The following STX1B variants were observed in gnomAD, a reference collection of about 807,000 sequenced individuals.
STX1B encodes syntaxin-1B.
In STX1B, 7 loss-of-function variants were observed where a neutral mutation model predicts 39.4. That is an observed-to-expected ratio of 0.18 (90% confidence interval 0.10 to 0.33). STX1B has a LOEUF of 0.33. Ranked by LOEUF, STX1B falls within the 10% of genes least tolerant of loss-of-function variation. The probability of loss-of-function intolerance (pLI) is 1.00; values close to 1 mark genes in which losing one functional copy is unlikely to be tolerated. For missense variants in STX1B, 198 were observed against 383.2 expected (o/e 0.52, Z 4.04); for synonymous variants, 136 against 144.1 (o/e 0.94, Z 0.40).
Position 31,010,461 on chromosome 16 carries a change from C to T in STX1B, c.-65G>A. 3 of 1,291,472 alleles carry T rather than the reference C, an allele frequency of 2.3e-6. No homozygotes were observed. The highest frequency in any genetic ancestry group is 2.0e-6 in the Non-Finnish European group (2 of 989,946). 80.0% of individuals were successfully genotyped at this position (1,291,472 alleles called of 1,614,324 possible). Reference sequence around the variant, plus strand: ...TCTGCTGCTGCTCCGGGTCTCCCGCCTCTGTGCCGGAGGCCGGGGTCTGGG... The same window carrying T: ...TCTGCTGCTGCTCCGGGTCTCCCGCTTCTGTGCCGGAGGCCGGGGTCTGGG... On this transcript the variant is annotated 5_prime_UTR_variant, in exon 1 of 10. Coordinates refer to ENST00000215095, the MANE Select transcript of STX1B (RefSeq NM_052874.5).
chr16:31,004,616 C>A (rs2056646923), intron 1 of STX1B, among the ~76,000 whole-genome samples: 3 of 151,390 alleles, frequency 2.0e-5, no homozygotes, highest in Admixed American at 2.0e-4. Context: ...CAAGAGACTG[C>A]AGTGAGCTGT....
intron 1 of STX1B, among the ~76,000 whole-genome samples, chr16:31,009,595 C>T (rs1166432638): frequency 6.6e-6 from 1 of 151,958 alleles, no homozygotes; most frequent in African/African-American, 2.4e-5. Context: ...TGCAGTCCTT[C>T]CCCTGTCCCC....
chr16:31,002,001 C>T (rs1287710347), intron 1 of STX1B, among the ~76,000 whole-genome samples: 3 of 152,128 alleles, frequency 2.0e-5, no homozygotes, highest in Non-Finnish European at 4.4e-5. Flanking sequence ...TTCCTGCTCT[C>T]CTGCCCAGAT....
chr16:31,000,325 GTTTTTTGT>G (rs1347322342), intron 4 of STX1B, among the ~76,000 whole-genome samples: 9 of 37,086 alleles, frequency 2.4e-4, no homozygotes, highest in East Asian at 9.4e-4. Context: ...TTGTTTGTTT[GTTTTTTGT>G]TTTTTTTTTT....
chr16:31,008,535 GGGGAACT>G (rs1314017184), intron 1 of STX1B, among the ~76,000 whole-genome samples: 2 of 152,136 alleles, frequency 1.3e-5, no homozygotes, highest in Non-Finnish European at 2.9e-5. Context: ...CCTGGTAGCA[GGGGAACT>G]GGGTTCAAGT....
intron 5 of STX1B, 152 bp from the exon 6 acceptor site, chr16:30,997,211 T>C: frequency 1.5e-6 from 1 of 665,064 alleles, no homozygotes; most frequent in Non-Finnish European, 2.7e-6. Context: ...TCTTCAGCTC[T>C]GGCCGCGATC....
chr16:30,996,922 CG>C (rs768138081), intron 6 of STX1B, 28 bp downstream of exon 6: 58 of 1,530,644 alleles, frequency 3.8e-5, no homozygotes, highest in Middle Eastern at 1.9e-4. Flanking sequence ...TCAAGGAGTT[CG>C]GGGTCCTGGG....
intron 1 of STX1B, among the ~76,000 whole-genome samples, chr16:31,006,243 C>A (rs1217486998): frequency 6.6e-6 from 1 of 152,144 alleles, no homozygotes; most frequent in East Asian, 1.9e-4. Flanking sequence ...TTTCCCCCAC[C>A]CTCTGCTTCA....
At position 31,010,533 on chromosome 16, in the gene STX1B, G is replaced by T; in HGVS notation, c.-137C>A. ...CGCTGCGGGGGGCCTGCGGGCGGGGGCGGGGCCGGGGGCGACTGGCCGAGG... is the reference window on the plus strand; with the variant it reads ...CGCTGCGGGGGGCCTGCGGGCGGGGTCGGGGCCGGGGGCGACTGGCCGAGG... On this transcript the variant is annotated 5_prime_UTR_variant, in exon 1 of 10. Coordinates refer to ENST00000215095, the MANE Select transcript of STX1B (RefSeq NM_052874.5). The T allele has an allele frequency of 3.1e-6, 1 of 325,788 alleles. No individual in the cohort carries two copies. The highest frequency in any genetic ancestry group is 4.7e-6 in the Non-Finnish European group (1 of 211,458). 20.2% of individuals were successfully genotyped at this position (325,788 alleles called of 1,614,324 possible).
chr16:31,003,254 C>T (rs1230079799), intron 1 of STX1B, among the ~76,000 whole-genome samples: 1 of 152,224 alleles, frequency 6.6e-6, no homozygotes, highest in African/African-American at 2.4e-5. Context: ...GTTGAATTTC[C>T]AGACAATCCC....
At chr16:30,992,987 G>T in intron 9 of STX1B, 86 bp from the exon 10 acceptor site, 1 of 1,356,086 alleles carries the variant, frequency 7.4e-7, no homozygotes, top group Non-Finnish European at 1.1e-6. Flanking sequence ...GCAGAGGGTG[G>T]CAGGGAGAAG....
chr16:30,998,458 T>C (rs914088106), intron 4 of STX1B, among the ~76,000 whole-genome samples: 4 of 152,210 alleles, frequency 2.6e-5, no homozygotes, highest in Non-Finnish European at 4.4e-5. Flanking sequence ...CCAGGGATAT[T>C]GGAATCGGCT....
At chr16:30,996,867 G>A (rs2056595312) in intron 6 of STX1B, 84 bp downstream of exon 6, 6 of 1,571,490 alleles carry the variant, frequency 3.8e-6, no homozygotes, top group Admixed American at 1.7e-5. Context: ...TTAAGCCAGG[G>A]GCCCCCTCCA....
chr16:31,000,921 T>G lies in STX1B; in HGVS notation c.280+7A>C. 1 of 1,614,040 alleles carries G rather than the reference T, an allele frequency of 6.2e-7. No homozygotes were observed. Among genetic ancestry groups the G allele is most frequent in the South Asian group, 1.1e-5 (1 of 91,080 alleles). On this transcript the variant is annotated splice_region_variant and intron_variant, in intron 4 of 9. Coordinates refer to ENST00000215095, the MANE Select transcript of STX1B (RefSeq NM_052874.5). ...TTCCTTCCTGGTTGAGGGATTGTAC[T>G]CCTCACCTTTCAATTTGGACCGAAC...
At chr16:31,002,737 G>T (rs891909955) in intron 1 of STX1B, among the ~76,000 whole-genome samples, 3 of 152,160 alleles carry the variant, frequency 2.0e-5, no homozygotes, top group African/African-American at 7.2e-5. Flanking sequence ...GACATCTGGA[G>T]CCCTGATCAG....
At chr16:30,999,425 CAT>C (rs1276956686) in intron 4 of STX1B, among the ~76,000 whole-genome samples, 15 of 152,212 alleles carry the variant, frequency 9.9e-5, no homozygotes, top group African/African-American at 3.1e-4. Context: ...AGGTGCTCAG[CAT>C]ATGTTTTCTG....
At chr16:31,009,907 C>G (rs1419487658) in intron 1 of STX1B, among the ~76,000 whole-genome samples, 1 of 152,082 alleles carries the variant, frequency 6.6e-6, no homozygotes, top group Non-Finnish European at 1.5e-5. Flanking sequence ...TCATTCACTG[C>G]CAGGTGCTGG....
chr16:30,997,696 A>T (rs562083911), intron 4 of STX1B, 121 bp from the exon 5 acceptor site: 3 of 936,096 alleles, frequency 3.2e-6, no homozygotes, highest in South Asian at 3.0e-5. Flanking sequence ...CGTCATCCCC[A>T]GGGCGAGTTG....
At chr16:30,995,934 T>C (rs943105305) in intron 7 of STX1B, among the ~76,000 whole-genome samples, 1 of 152,124 alleles carries the variant, frequency 6.6e-6, no homozygotes, top group Non-Finnish European at 1.5e-5. Context: ...CCCAGCACTT[T>C]GGGAGGCTGA....
Sources: allele counts gnomAD v4.1 joint callset (sites outside exome capture counted in the v4.1 genomes callset), GRCh38; gene constraint gnomAD v4.1.1; transcripts MANE v1.5; gene names NCBI Gene and HGNC (gene_info 2026-07-23, HGNC 2026-07-21).